Variants in PDZRN4 observed in about 807,000 individuals in gnomAD.
The protein encoded by PDZRN4 is PDZ domain-containing RING finger protein 4.
Under a neutral mutation model 99.0 loss-of-function variants are expected in PDZRN4, and 70 were observed. That is an observed-to-expected ratio of 0.71 (90% CI 0.58 to 0.86). PDZRN4 has a LOEUF of 0.86. Among genes scored for constraint, PDZRN4 ranks in the 40% least tolerant of loss-of-function variants. The pLI, the probability that PDZRN4 is intolerant of heterozygous loss-of-function variation, is 0.00. For missense variants in PDZRN4, 1,474 were observed against 1,331.2 expected, an observed-to-expected ratio of 1.11 and a Z score of -1.67; for synonymous variants, 551 against 501.6, an observed-to-expected ratio of 1.10 and a Z score of -1.32.
intron 6 of PDZRN4, among the ~76,000 whole-genome samples, chr12:41,555,424 A>G (rs78164846): frequency 0.015 from 2,323 of 151,560 alleles, 49 homozygotes; most frequent in African/African-American, 0.05. Flanking sequence ...GAATGAAGGG[A>G]AAAAGGAAAG....
chr12:41,358,024 G>A (rs570671505), intron 3 of PDZRN4, among the ~76,000 whole-genome samples: 2 of 152,096 alleles, frequency 1.3e-5, no homozygotes, highest in South Asian at 4.1e-4. Flanking sequence ...CTCTTGCTTT[G>A]GAGACAATCA....
At chr12:41,564,037 G>A (rs1939319028) in intron 8 of PDZRN4, among the ~76,000 whole-genome samples, 1 of 152,114 alleles carries the variant, frequency 6.6e-6, no homozygotes, top group South Asian at 2.1e-4. Context: ...AAAAATGGCT[G>A]TGTGGATCCT....
intron 3 of PDZRN4, among the ~76,000 whole-genome samples, chr12:41,310,035 T>A (rs1472349299): frequency 6.6e-6 from 1 of 152,032 alleles, no homozygotes; most frequent in Non-Finnish European, 1.5e-5. Flanking sequence ...TGGCTTCAAG[T>A]GATTCTTTTG....
chr12:41,490,619 G>A (rs1399765567), intron 3 of PDZRN4, among the ~76,000 whole-genome samples: 1 of 151,864 alleles, frequency 6.6e-6, no homozygotes, highest in Admixed American at 6.6e-5. Context: ...TTTGTTATAT[G>A]TTATCTCCCC....
At chr12:41,283,059 C>G (rs898588116) in intron 3 of PDZRN4, among the ~76,000 whole-genome samples, 4 of 149,222 alleles carry the variant, frequency 2.7e-5, no homozygotes, top group Non-Finnish European at 5.9e-5. Context: ...CAGGGAAAAC[C>G]CTCCAAAAAA....
chr12:41,522,022 T>G (rs2120716737), intron 5 of PDZRN4, among the ~76,000 whole-genome samples: 1 of 152,224 alleles, frequency 6.6e-6, no homozygotes, highest in Admixed American at 6.5e-5. Flanking sequence ...GAGCCTTTTT[T>G]GCAGCCAGGA....
At chr12:41,488,996 C>T (rs1221694749) in intron 3 of PDZRN4, among the ~76,000 whole-genome samples, 4 of 152,156 alleles carry the variant, frequency 2.6e-5, no homozygotes, top group East Asian at 3.9e-4. Flanking sequence ...GGGCTGCATA[C>T]GGCCCAGGAC....
At chr12:41,218,381 G>T (rs765717886) in intron 3 of PDZRN4, among the ~76,000 whole-genome samples, 5 of 152,044 alleles carry the variant, frequency 3.3e-5, no homozygotes, top group African/African-American at 7.2e-5. Flanking sequence ...CTGTTTCAGA[G>T]CAGGCCTGAT....
intron 3 of PDZRN4, among the ~76,000 whole-genome samples, chr12:41,437,445 GT>G (rs980063778): frequency 1.3e-5 from 2 of 151,632 alleles, no homozygotes; most frequent in South Asian, 2.1e-4. Context: ...TTAAGTGTAT[GT>G]TTTTTTTCAA....
chr12:41,554,266 T>C (rs1478384463), intron 6 of PDZRN4, among the ~76,000 whole-genome samples: 1 of 152,164 alleles, frequency 6.6e-6, no homozygotes, highest in African/African-American at 2.4e-5. Context: ...AGATTGTGAG[T>C]GGTTTTTAAA....
intron 3 of PDZRN4, among the ~76,000 whole-genome samples, chr12:41,500,369 G>A (rs1938088851): frequency 6.6e-6 from 1 of 151,822 alleles, no homozygotes; most frequent in African/African-American, 2.4e-5. Flanking sequence ...AGAAGCCCCA[G>A]GATCACTTTA....
chr12:41,196,824 GATA>G (rs1035362545), intron 3 of PDZRN4, among the ~76,000 whole-genome samples: 4 of 152,002 alleles, frequency 2.6e-5, no homozygotes, highest in African/African-American at 7.2e-5. Flanking sequence ...TTAAAGTAAA[GATA>G]ATAATTTATT....
intron 7 of PDZRN4, among the ~76,000 whole-genome samples, chr12:41,556,351 T>C (rs1939161825): frequency 6.6e-6 from 1 of 152,152 alleles, no homozygotes; most frequent in Non-Finnish European, 1.5e-5. Context: ...GTGCAAACAT[T>C]GGAGAGTGTA....
intron 3 of PDZRN4, among the ~76,000 whole-genome samples, chr12:41,364,613 C>A (rs2121065902): frequency 6.6e-6 from 1 of 152,188 alleles, no homozygotes; most frequent in Admixed American, 6.6e-5. Context: ...CTATCCTTTA[C>A]AGTTTTTAAG....
chr12:41,554,796 A>G (rs1304839443), intron 6 of PDZRN4, among the ~76,000 whole-genome samples: 1 of 151,890 alleles, frequency 6.6e-6, no homozygotes, highest in Non-Finnish European at 1.5e-5. Context: ...AATTAAATGC[A>G]TGGATCAGAT....
chr12:41,383,915 A>ATGATACAGG (rs1952144808), intron 3 of PDZRN4, among the ~76,000 whole-genome samples: 1 of 149,984 alleles, frequency 6.7e-6, no homozygotes, highest in Non-Finnish European at 1.5e-5. Context: ...TCAGTTCATC[A>ATGATACAGG]TGATACAGGA....
chr12:41,405,023 C>T (rs12296173), intron 3 of PDZRN4, among the ~76,000 whole-genome samples: 5,167 of 152,038 alleles, frequency 0.034, 123 homozygotes, highest in African/African-American at 0.072. Flanking sequence ...TAGAAGAAAA[C>T]CTAGGAAACA....
chr12:41,260,629 T>TAAGA (rs781609021), intron 3 of PDZRN4, among the ~76,000 whole-genome samples: 1 of 152,118 alleles, frequency 6.6e-6, no homozygotes, highest in Non-Finnish European at 1.5e-5. Flanking sequence ...TTTCAGCAAA[T>TAAGA]AAGAAAGAAA....
chr12:41,332,496 T>C (rs2120996490), intron 3 of PDZRN4, among the ~76,000 whole-genome samples: 1 of 151,980 alleles, frequency 6.6e-6, no homozygotes, highest in Non-Finnish European at 1.5e-5. Context: ...TGAAGAGTGA[T>C]CAGGTCATCA....
Sources: allele counts gnomAD v4.1 joint callset (sites outside exome capture counted in the v4.1 genomes callset), GRCh38; gene constraint gnomAD v4.1.1; transcripts MANE v1.5; gene names NCBI Gene and HGNC (gene_info 2026-07-23, HGNC 2026-07-21).